The following ZNF831 variants were observed in gnomAD, a reference collection of about 807,000 sequenced individuals.
ZNF831 encodes the protein zinc finger protein 831.
In ZNF831, 59 loss-of-function variants were observed where a neutral mutation model predicts 95.8. The ratio of observed to expected loss-of-function variants is 0.62; its 90% CI spans 0.50 to 0.77. ZNF831 has a LOEUF of 0.77. ZNF831 is among the 30% of genes least tolerant of loss of function. The probability of loss-of-function intolerance (pLI) is 0.00; values close to 1 mark genes in which losing one functional copy is unlikely to be tolerated. For synonymous variants in ZNF831, 961 were observed against 925.5 expected, an observed-to-expected ratio of 1.04 and a Z score of -0.70; for missense variants, 2,205 against 2,164.0, an observed-to-expected ratio of 1.02 and a Z score of -0.38.
intron 4 of ZNF831, among the ~76,000 whole-genome samples, chr20:59,236,479 CAG>C (rs1450177149): frequency 1.3e-5 from 2 of 151,572 alleles, no homozygotes; most frequent in Non-Finnish European, 2.9e-5. Flanking sequence ...TTTTTTGAGA[CAG>C]AGTCTCACTG....
intron 1 of ZNF831, among the ~76,000 whole-genome samples, chr20:59,127,735 G>T (rs1411879610): frequency 6.6e-6 from 1 of 152,358 alleles, no homozygotes. Flanking sequence ...CAAGGGCAGG[G>T]CCTGGGTTGT....
intron 4 of ZNF831, among the ~76,000 whole-genome samples, chr20:59,246,024 G>C (rs1210273149): frequency 6.6e-6 from 1 of 152,130 alleles, no homozygotes; most frequent in African/African-American, 2.4e-5. Context: ...CATTGGCTTT[G>C]TTCACTTTGG....
chr20:59,145,195 CT>C (rs1254010501), intron 1 of ZNF831, among the ~76,000 whole-genome samples: 1 of 152,188 alleles, frequency 6.6e-6, no homozygotes, highest in African/African-American at 2.4e-5. Flanking sequence ...TGACCGGACC[CT>C]TTCCCCACAT....
At chr20:59,242,764 G>A (rs1987403779) in intron 4 of ZNF831, among the ~76,000 whole-genome samples, 1 of 152,254 alleles carries the variant, frequency 6.6e-6, no homozygotes, top group Non-Finnish European at 1.5e-5. Context: ...CTGCTCTTTC[G>A]ATGAGTCCTT....
intron 4 of ZNF831, among the ~76,000 whole-genome samples, chr20:59,207,513 G>T (rs907464054): frequency 9.2e-5 from 14 of 152,210 alleles, no homozygotes; most frequent in African/African-American, 3.4e-4. Context: ...TGAGGCTGCA[G>T]GGTACATTGC....
chr20:59,190,288 C>T (rs138211759), intron 1 of ZNF831, among the ~76,000 whole-genome samples: 5 of 152,324 alleles, frequency 3.3e-5, no homozygotes, highest in African/African-American at 7.2e-5. Flanking sequence ...AAGCATGGCA[C>T]GTGTGAGATT....
In ZNF831 at chr20:59,256,246, A is replaced by G. The variant is rs776434007; in HGVS notation, c.*1503A>G. ...GAATTTTCCAATTTTGGTGTTTTTC[A>G]TAGAAAACTTCAATGCCAGACCAGC... is the stretch of plus-strand genomic sequence containing the variant. On this transcript the variant is annotated 3_prime_UTR_variant, in exon 6 of 6. Coordinates refer to ENST00000371030, the MANE Select transcript of ZNF831 (RefSeq NM_178457.3). 3.2e-4 allele frequency: 48 copies of G among 152,222 alleles called. No homozygotes were observed. Among genetic ancestry groups the G allele is most frequent in the Admixed American group, 5.9e-4 (9 of 15,290 alleles). The allele number at this position is 152,222 out of a possible 1,614,324, so 9.4% of individuals were successfully genotyped here. A position where few individuals can be genotyped will look rare whatever the true frequency, so the allele number is the denominator to read the frequency against.
At chr20:59,180,747 G>A (rs1982556689) in intron 1 of ZNF831, among the ~76,000 whole-genome samples, 1 of 152,134 alleles carries the variant, frequency 6.6e-6, no homozygotes, top group South Asian at 2.1e-4. Context: ...GTGTATATGT[G>A]CCACATTTTC....
intron 4 of ZNF831, among the ~76,000 whole-genome samples, chr20:59,231,180 G>A (rs899335300): frequency 1.3e-5 from 2 of 152,158 alleles, no homozygotes; most frequent in Non-Finnish European, 1.5e-5. Flanking sequence ...TGAGTTACCC[G>A]GTCATACTTA....
At chr20:59,126,913 A>G (rs1223388542) in intron 1 of ZNF831, among the ~76,000 whole-genome samples, 1 of 152,120 alleles carries the variant, frequency 6.6e-6, no homozygotes, top group Non-Finnish European at 1.5e-5. Flanking sequence ...CTCCTGGGTA[A>G]GTGGTGGAGA....
intron 1 of ZNF831, among the ~76,000 whole-genome samples, chr20:59,172,897 G>T (rs1415884857): frequency 6.6e-6 from 1 of 152,190 alleles, no homozygotes; most frequent in Middle Eastern, 3.2e-3. Context: ...AGCTCTTCTG[G>T]TGTGTGAGCC....
chr20:59,160,469 G>T (rs1301979951), upstream of ZNF831: 1 of 152,478 alleles, frequency 6.6e-6, no homozygotes, highest in African/African-American at 2.4e-5. Context: ...TTGTGAGGCT[G>T]CGTTGGCTCC....
In ZNF831 at chr20:59,194,510, C is replaced by T. The variant is rs779814100; in HGVS notation, c.3491C>T (p.Thr1164Ile). The T allele has an allele frequency of 5.0e-6, 8 of 1,609,616 alleles. No individual in the cohort carries two copies. The highest frequency in any genetic ancestry group is 6.8e-6 in the Non-Finnish European group (8 of 1,177,908). Residue 1164 changes from threonine to isoleucine, a missense_variant, in exon 2 of 6, where the codon ACC becomes ATC. Physicochemically the swap from Thr to Ile is moderately conservative, Grantham distance 89. Coordinates refer to ENST00000371030, the MANE Select transcript of ZNF831 (RefSeq NM_178457.3). The stretch of plus-strand genomic sequence containing the variant: ...TCAGGGACGTCCCGGAGCCACAGCA[C>T]CCGCAGTCCCCACAGCACCCAAAAC... ...SHSGTSRSHS[T>I]RSPHSTQNPF...
At chr20:59,167,816 C>T (rs1348017311) in intron 1 of ZNF831, among the ~76,000 whole-genome samples, 2 of 151,924 alleles carry the variant, frequency 1.3e-5, no homozygotes, top group African/African-American at 2.4e-5. Context: ...AGAGGTTGCA[C>T]TGAGCTGAGA....
At chr20:59,211,571 C>T (rs1401787070) in intron 4 of ZNF831, among the ~76,000 whole-genome samples, 1 of 152,176 alleles carries the variant, frequency 6.6e-6, no homozygotes. Flanking sequence ...GGTTTTATTA[C>T]CAGCACTTGC....
chr20:59,214,391 G>A (rs1985542991), intron 4 of ZNF831, among the ~76,000 whole-genome samples: 1 of 152,190 alleles, frequency 6.6e-6, no homozygotes, highest in South Asian at 2.1e-4. Flanking sequence ...TGTGTGATGG[G>A]ACTGTGCTGC....
At chr20:59,207,816 C>A (rs1343335396) in intron 4 of ZNF831, among the ~76,000 whole-genome samples, 1 of 152,248 alleles carries the variant, frequency 6.6e-6, no homozygotes, top group East Asian at 1.9e-4. Flanking sequence ...TACCATCCTT[C>A]TGTGGTTCAT....
chr20:59,248,984 T>G (rs1401225677), intron 4 of ZNF831, among the ~76,000 whole-genome samples: 1 of 152,236 alleles, frequency 6.6e-6, no homozygotes. Flanking sequence ...CCACAAGATC[T>G]GAGTCCTTGT....
intron 3 of ZNF831, among the ~76,000 whole-genome samples, chr20:59,205,393 C>G (rs112176282): frequency 3.3e-5 from 5 of 152,172 alleles, no homozygotes; most frequent in East Asian, 1.9e-4. Context: ...CTGCCTCCCC[C>G]ACCAAACTAA....
Sources: allele counts gnomAD v4.1 joint callset (sites outside exome capture counted in the v4.1 genomes callset), GRCh38; gene constraint gnomAD v4.1.1; transcripts MANE v1.5; gene names NCBI Gene and HGNC (gene_info 2026-07-23, HGNC 2026-07-21).